Variants in CLDN11 observed in about 807,000 individuals in gnomAD.
The protein encoded by CLDN11 is claudin 11.
A neutral mutation model predicts 18.0 loss-of-function variants in CLDN11; 1 was observed. That is an observed-to-expected ratio of 0.06 (90% CI 0.02 to 0.26). The LOEUF (loss-of-function observed/expected upper bound fraction) is 0.26. Ranked by LOEUF, CLDN11 falls within the 10% of genes least tolerant of loss-of-function variation. CLDN11 has a pLI of 1.00. For missense variants in CLDN11, 172 were observed against 276.6 expected (o/e 0.62, Z 2.68); for synonymous variants, 116 against 121.5 (o/e 0.96, Z 0.30).
chr3:170,425,284 T>C (rs2108245506), intron 2 of CLDN11, among the ~76,000 whole-genome samples: 1 of 152,344 alleles, frequency 6.6e-6, no homozygotes, highest in Middle Eastern at 3.4e-3. Flanking sequence ...GCTCTGAGGA[T>C]GGCAGAGCCA....
chr3:170,421,559 C>T (rs79030050), intron 1 of CLDN11, among the ~76,000 whole-genome samples: 3,501 of 152,278 alleles, frequency 0.023, 149 homozygotes, highest in African/African-American at 0.076. Context: ...TGAAGTTAGG[C>T]CTTTTTGCAC....
Position 170,419,714 on chromosome 3 carries a change from C to T in CLDN11, c.226+422C>T, listed in dbSNP as rs1371112309. Among the ~76,000 whole-genome samples the T allele has an allele frequency of 6.6e-6, 1 of 152,224 alleles. No homozygotes were observed. Among genetic ancestry groups the T allele is most frequent in the Non-Finnish European group, 1.5e-5 (1 of 68,032 alleles). ...TTCCGCCCGCAGAGGTGAGAAGGAG[C>T]GTGTAACACAAGCTGACAGGAGAAT... is the stretch of plus-strand genomic sequence containing the variant. On this transcript the variant is annotated intron_variant, in intron 1 of 2. Transcript: ENST00000064724. The surrounding 1 kb of genome is among the most constrained non-coding windows in gnomAD (Gnocchi z 8.6).
chr3:170,418,884 C>T lies in CLDN11; in HGVS notation c.-183C>T. The T allele has an allele frequency of 1.1e-5, 6 of 558,168 alleles. No homozygotes were observed. The highest frequency in any genetic ancestry group is 1.6e-5 in the Non-Finnish European group (5 of 315,334). 34.6% of individuals were successfully genotyped at this position (558,168 alleles called of 1,614,324 possible). ...CTGCCCAGCAGCGCTGCTGTCCCCG[C>T]CGTGCGCCCTTCGCCGCTGAGCTCG... On this transcript the variant is annotated 5_prime_UTR_variant, in exon 1 of 3. Transcript: ENST00000064724. This position sits in a 1 kb window ranked among gnomAD's most constrained non-coding sequence, Gnocchi z 4.3.
At chr3:170,432,152 G>A (rs1486349744) in intron 2 of CLDN11, among the ~76,000 whole-genome samples, 2 of 152,190 alleles carry the variant, frequency 1.3e-5, no homozygotes, top group African/African-American at 4.8e-5. Context: ...GCATAGACAT[G>A]TAAAGGGGTA....
At chr3:170,424,560 A>G (rs1177789035) in intron 2 of CLDN11, among the ~76,000 whole-genome samples, 1 of 152,228 alleles carries the variant, frequency 6.6e-6, no homozygotes, top group Non-Finnish European at 1.5e-5. Flanking sequence ...CTCAGATGCT[A>G]GTTTCATTAG....
chr3:170,433,561 G>C lies in CLDN11; in HGVS notation c.*805G>C, dbSNP rs926365992. 6.6e-6 allele frequency: 1 copy of C among 152,558 alleles called. No homozygotes were observed. Among genetic ancestry groups the C allele is most frequent in the African/African-American group, 2.4e-5 (1 of 41,432 alleles). The allele number at this position is 152,558 out of a possible 1,614,324, so 9.5% of individuals were successfully genotyped here. On this transcript the variant is annotated 3_prime_UTR_variant, in exon 3 of 3. Coordinates refer to ENST00000064724, the MANE Select transcript of CLDN11 (RefSeq NM_005602.6). Reference sequence around the variant, plus strand: ...AAAGATAGCATTGGGGACATGGGATGGGGGAGGGAGGGCAATAGTGGAACG... The same window carrying C: ...AAAGATAGCATTGGGGACATGGGATCGGGGAGGGAGGGCAATAGTGGAACG...
intron 1 of CLDN11, among the ~76,000 whole-genome samples, chr3:170,420,546 G>A (rs1011722832): frequency 6.6e-6 from 1 of 152,088 alleles, no homozygotes; most frequent in African/African-American, 2.4e-5. Context: ...CTTGTTTTTT[G>A]TTGATTGTTC....
At chr3:170,429,857 T>C (rs1738952437) in intron 2 of CLDN11, among the ~76,000 whole-genome samples, 1 of 152,270 alleles carries the variant, frequency 6.6e-6, no homozygotes, top group South Asian at 2.1e-4. Context: ...GCACATGTGC[T>C]GTATGTGTAA....
intron 2 of CLDN11, among the ~76,000 whole-genome samples, chr3:170,424,928 TGTGTGTGTGTGTGC>T (rs988343059): frequency 4.5e-5 from 2 of 43,998 alleles, no homozygotes; most frequent in Admixed American, 2.5e-4. Flanking sequence ...TGTGTGTGTG[TGTGTGTGTGTGTGC>T]GCGCGTGTGT....
intron 2 of CLDN11, among the ~76,000 whole-genome samples, chr3:170,424,540 G>A (rs559166208): frequency 9.2e-5 from 14 of 152,100 alleles, no homozygotes; most frequent in Non-Finnish European, 1.6e-4. Flanking sequence ...ATTTCTCTCC[G>A]TTTTTTTCCC....
intron 2 of CLDN11, 175 bp downstream of exon 2, chr3:170,423,502 A>T: frequency 1.6e-6 from 1 of 625,316 alleles, no homozygotes; most frequent in East Asian, 2.8e-5. Context: ...GTTTACACAG[A>T]GGGCTAAGTA....
In CLDN11 at chr3:170,434,301, C is replaced by T. The variant is rs952888503; in HGVS notation, c.*1545C>T. On this transcript the variant is annotated 3_prime_UTR_variant, in exon 3 of 3. Transcript: ENST00000064724. ...TGGTCATGAAAGCATAACCTCAGTG[C>T]TCTCTAGGTTTCTTAAGTGGGGTGA... Among the ~76,000 whole-genome samples, 1 of 152,150 alleles carries T rather than the reference C, an allele frequency of 6.6e-6. No homozygotes were observed. Among genetic ancestry groups the T allele is most frequent in the Admixed American group, 6.5e-5 (1 of 15,280 alleles).
chr3:170,431,192 TCTC>T (rs1209469489), intron 2 of CLDN11, among the ~76,000 whole-genome samples: 1 of 152,188 alleles, frequency 6.6e-6, no homozygotes, highest in African/African-American at 2.4e-5. Flanking sequence ...TTATATTTCT[TCTC>T]TGTGGGCATA....
intron 2 of CLDN11, among the ~76,000 whole-genome samples, chr3:170,424,100 G>A (rs1358816948): frequency 2.0e-5 from 3 of 152,090 alleles, no homozygotes; most frequent in Non-Finnish European, 4.4e-5. Context: ...AGAAAAGTCA[G>A]GAGTTGAGGG....
At chr3:170,429,877 A>G (rs1452749153) in intron 2 of CLDN11, among the ~76,000 whole-genome samples, 1 of 152,264 alleles carries the variant, frequency 6.6e-6, no homozygotes, top group East Asian at 1.9e-4. Context: ...AATACAAAGT[A>G]TAGTTGAAAA....
rs941451209 is a variant in CLDN11 at position 170,419,745 on chromosome 3, C to A, written c.226+453C>A. 3.9e-5 allele frequency among the ~76,000 whole-genome samples: 6 copies of A among 152,260 alleles called. No individual in the cohort carries two copies. Among genetic ancestry groups the A allele is most frequent in the South Asian group, 2.1e-4 (1 of 4,836 alleles). On this transcript the variant is annotated intron_variant, in intron 1 of 2. Coordinates refer to ENST00000064724, the MANE Select transcript of CLDN11 (RefSeq NM_005602.6). The surrounding 1 kb of genome is among the most constrained non-coding windows in gnomAD (Gnocchi z 8.6). ...ACACAAGCTGACAGGAGAATCGAACCGGCTCAGGCTGAGTTTCTCGGTCCT... is the reference window on the plus strand; with the variant it reads ...ACACAAGCTGACAGGAGAATCGAACAGGCTCAGGCTGAGTTTCTCGGTCCT...
chr3:170,419,062 C>A lies in CLDN11; in HGVS notation c.-5C>A, dbSNP rs1213084972. On this transcript the variant is annotated 5_prime_UTR_variant, in exon 1 of 3. Transcript: ENST00000064724. The surrounding 1 kb of genome is among the most constrained non-coding windows in gnomAD (Gnocchi z 8.6). ...GCGAGGCACGGGGACATCCTGGCGG[C>A]CACCATGGTGGCCACGTGCCTGCAG... The A allele has an allele frequency of 1.3e-6, 2 of 1,548,472 alleles. No individual in the cohort carries two copies. The highest frequency in any genetic ancestry group is 8.7e-7 in the Non-Finnish European group (1 of 1,145,578).
intron 1 of CLDN11, among the ~76,000 whole-genome samples, chr3:170,420,988 A>G (rs545347588): frequency 1.3e-5 from 2 of 152,368 alleles, no homozygotes; most frequent in African/African-American, 2.4e-5. Context: ...TGGTACCTAT[A>G]GTATTTTATT....
intron 2 of CLDN11, among the ~76,000 whole-genome samples, chr3:170,424,940 T>TGTGC (rs1424694689): frequency 1.7e-4 from 14 of 84,248 alleles, no homozygotes; most frequent in African/African-American, 5.9e-4. Context: ...TGTGTGTGTG[T>TGTGC]GCGCGCGTGT....
Sources: gnomAD v4.1 joint callset for allele counts (sites outside exome capture counted in the v4.1 genomes callset) on GRCh38, gnomAD v4.1.1 for gene constraint, Gnocchi (gnomAD v3.1) non-coding constraint, MANE v1.5 for transcripts, NCBI Gene and HGNC (gene_info 2026-07-23, HGNC 2026-07-21) for gene names.